Variants in FMN1 observed in about 807,000 individuals in gnomAD.
FMN1 encodes formin-1.
FMN1 carries 110 observed loss-of-function variants against 132.4 expected under a neutral mutation model. That is an observed-to-expected ratio of 0.83 (90% CI 0.71 to 0.97). FMN1 has a LOEUF of 0.97. FMN1 is among the 50% of genes least tolerant of loss of function. The pLI, the probability that FMN1 is intolerant of heterozygous loss-of-function variation, is 0.00. For synonymous variants in FMN1, 722 were observed against 651.7 expected, an observed-to-expected ratio of 1.11 and a Z score of -1.64; for missense variants, 1,792 against 1,705.3, an observed-to-expected ratio of 1.05 and a Z score of -0.90.
At chr15:33,091,590 T>C (rs2038904988) in intron 4 of FMN1, among the ~76,000 whole-genome samples, 1 of 152,092 alleles carries the variant, frequency 6.6e-6, no homozygotes, top group Non-Finnish European at 1.5e-5. Flanking sequence ...CTGAAATAAG[T>C]AACATAAAAC....
intron 7 of FMN1, among the ~76,000 whole-genome samples, chr15:33,007,386 T>G (rs2034476326): frequency 6.6e-6 from 1 of 152,132 alleles, no homozygotes; most frequent in East Asian, 1.9e-4. Context: ...TATTTGAAGT[T>G]AAGATTCTGA....
At position 32,968,727 on chromosome 15, in the gene FMN1, T is replaced by G; in HGVS notation, c.2974A>C (p.Ile992Leu). The G allele has an allele frequency of 6.2e-7, 1 of 1,613,520 alleles. No homozygotes were observed. The highest frequency in any genetic ancestry group is 8.5e-7 in the Non-Finnish European group (1 of 1,179,670). Residue 992 changes from isoleucine (I) to leucine (L), a missense_variant, in exon 8 of 21, where the codon ATA (isoleucine) becomes CTA (leucine). Physicochemically the swap from Ile to Leu is conservative, Grantham distance 5. This residue lies in a region of FMN1 where 1,150 missense variants were observed against 1,043.1 expected (regional missense o/e 1.10). Coordinates refer to ENST00000616417, the MANE Select transcript of FMN1 (RefSeq NM_001277313.2). ...GGGAGAACTTACCTCCTATCACTTATTTGTATCCTAGTCCAATATAAAGGC... is the reference window on the plus strand; with the variant it reads ...GGGAGAACTTACCTCCTATCACTTAGTTGTATCCTAGTCCAATATAAAGGC... Reference protein sequence around the residue: ...MKPLYWTRIQISDRSQNATPT... With the variant: ...MKPLYWTRIQLSDRSQNATPT...
intron 15 of FMN1, among the ~76,000 whole-genome samples, chr15:32,891,649 T>C (rs1288120731): frequency 6.6e-6 from 1 of 152,148 alleles, no homozygotes; most frequent in Non-Finnish European, 1.5e-5. Flanking sequence ...TAATTCTACC[T>C]TTTCACAATA....
rs73372977 is a variant in FMN1, at chr15:32,977,397, T to C, written c.2224-7920A>G. 4.4e-3 allele frequency among the ~76,000 whole-genome samples: 665 copies of C among 152,314 alleles called. 5 individuals carry two copies. The highest frequency in any genetic ancestry group is 0.016 in the African/African-American group (646 of 41,562). ...GTCACAGATGCTTTCCTCAAAATAT[T>C]TGCCCTCCATCCTCCTGAAAAAGAT... On this transcript the variant is annotated intron_variant, in intron 7 of 20. Transcript: ENST00000616417.
At chr15:33,010,279 C>A (rs775805677) in intron 6 of FMN1, among the ~76,000 whole-genome samples, 11 of 152,012 alleles carry the variant, frequency 7.2e-5, no homozygotes, top group Non-Finnish European at 1.3e-4. Flanking sequence ...AAGAACAGAT[C>A]AGAATAGTAG....
intron 16 of FMN1, among the ~76,000 whole-genome samples, chr15:32,875,284 C>A (rs2059612127): frequency 6.6e-6 from 1 of 151,962 alleles, no homozygotes; most frequent in Non-Finnish European, 1.5e-5. Flanking sequence ...CCAGGGGTAA[C>A]AGACCCCCTG....
intron 19 of FMN1, among the ~76,000 whole-genome samples, chr15:32,777,681 A>G (rs2056489178): frequency 7.0e-6 from 1 of 143,870 alleles, no homozygotes; most frequent in African/African-American, 2.5e-5. Flanking sequence ...ACACATTTAT[A>G]TATTACGTAT....
At chr15:33,192,306 C>T (rs1051729189) in intron 2 of FMN1, among the ~76,000 whole-genome samples, 1 of 152,204 alleles carries the variant, frequency 6.6e-6, no homozygotes, top group Admixed American at 6.5e-5. Context: ...TCCTCTTCCT[C>T]TGGGAACAGC....
At chr15:33,149,947 C>G (rs570963918) in intron 4 of FMN1, 3 of 984,844 alleles carry the variant, frequency 3.0e-6, no homozygotes, top group Middle Eastern at 5.2e-4. Flanking sequence ...TGCCTCTTAA[C>G]TCTTAATAAG....
chr15:33,064,735 C>A, intron 6 of FMN1: 1 of 360,036 alleles, frequency 2.8e-6, no homozygotes, highest in Non-Finnish European at 5.1e-6. Context: ...CACACACATT[C>A]CCCCTTTCAT....
rs1410005307 is a variant in FMN1, at chr15:33,154,836, C to A, written c.79G>T (p.Gly27Trp). The change falls in exon 4 of 21, where the codon GGG becomes TGG. Residue 27 changes from glycine (G) to tryptophan (W), a missense_variant. This residue lies in a region of FMN1 where 638 missense variants were observed against 645.2 expected (regional missense o/e 0.99). Coordinates refer to ENST00000616417, the MANE Select transcript of FMN1 (RefSeq NM_001277313.2). ...TTGTATGAAAATCCTCTGACTTCCC[C>A]CTTTGGAAGACAGAAGCTGATGTAG... ...LCYISFCLPK[G>W]EVRGFSYKGT... 6.5e-7 allele frequency: 1 copy of A among 1,536,126 alleles called. No homozygotes were observed. Among genetic ancestry groups the A allele is most frequent in the East Asian group, 2.4e-5 (1 of 40,902 alleles).
chr15:32,983,371 T>C (rs1279399952), intron 7 of FMN1, among the ~76,000 whole-genome samples: 2 of 152,202 alleles, frequency 1.3e-5, no homozygotes, highest in Non-Finnish European at 2.9e-5. Context: ...AGAGGGGTTG[T>C]CTTCCAATGG....
intron 7 of FMN1, among the ~76,000 whole-genome samples, chr15:32,970,960 G>C (rs1308770516): frequency 6.6e-6 from 1 of 152,172 alleles, no homozygotes; most frequent in Non-Finnish European, 1.5e-5. Context: ...AACTCTGAGG[G>C]AAGGGGCTAG....
chr15:32,947,653 T>C (rs1314234485), intron 9 of FMN1, among the ~76,000 whole-genome samples: 1 of 151,568 alleles, frequency 6.6e-6, no homozygotes, highest in East Asian at 1.9e-4. Context: ...GAGAATTATG[T>C]CTCTCTTTTT....
chr15:33,121,456 T>C (rs1047641776), intron 4 of FMN1, among the ~76,000 whole-genome samples: 3 of 152,234 alleles, frequency 2.0e-5, no homozygotes, highest in African/African-American at 7.2e-5. Flanking sequence ...TGTAGTTCTA[T>C]ATGATACAAA....
chr15:33,179,131 C>T (rs1965611344), intron 3 of FMN1, among the ~76,000 whole-genome samples: 1 of 152,052 alleles, frequency 6.6e-6, no homozygotes, highest in Non-Finnish European at 1.5e-5. Context: ...ACAAAATTGG[C>T]TTTCCACCAT....
At chr15:33,011,333 T>C (rs2034707146) in intron 6 of FMN1, among the ~76,000 whole-genome samples, 1 of 152,024 alleles carries the variant, frequency 6.6e-6, no homozygotes. Flanking sequence ...TCAATAACTA[T>C]TGGCTGGGAA....
rs558159951 is a variant in FMN1, at chr15:32,877,762, C to T, written c.3835+10410G>A. Among the ~76,000 whole-genome samples the T allele has an allele frequency of 1.1e-4, 16 of 152,244 alleles. No individual in the cohort carries two copies. In the South Asian group the frequency reaches 2.3e-3, roughly 22 times the overall value. ...CTGTCCCTCTAAAAGATTCTACTCACGGATGCTTATCTGACATCTTTGGCC... is the reference window on the plus strand; with the variant it reads ...CTGTCCCTCTAAAAGATTCTACTCATGGATGCTTATCTGACATCTTTGGCC... On this transcript the variant is annotated intron_variant, in intron 16 of 20. Transcript: ENST00000616417.
intron 9 of FMN1, among the ~76,000 whole-genome samples, chr15:32,951,462 C>T (rs1040632128): frequency 8.6e-5 from 13 of 152,000 alleles, no homozygotes; most frequent in Non-Finnish European, 1.3e-4. Context: ...CACACATCCA[C>T]GCACACACAA....
Sources: gnomAD v4.1 joint callset for allele counts (sites outside exome capture counted in the v4.1 genomes callset) on GRCh38, gnomAD v4.1.1 for gene constraint, gnomAD v4.1.1 regional missense constraint, MANE v1.5 for transcripts, NCBI Gene and HGNC (gene_info 2026-07-23, HGNC 2026-07-21) for gene names.